MTMR7: variants seen among roughly 807,000 people sequenced by gnomAD.
MTMR7 encodes phosphatidylinositol-3-phosphate phosphatase MTMR7.
Under a neutral mutation model 81.2 loss-of-function variants are expected in MTMR7, and 76 were observed. The ratio of observed to expected loss-of-function variants is 0.94; its 90% CI spans 0.78 to 1.13. The LOEUF (loss-of-function observed/expected upper bound fraction) is 1.13, where lower values mean the gene tolerates loss of function less well. Ranked by LOEUF, MTMR7 falls within the 50% of genes most tolerant of loss-of-function variation. The pLI, the probability that MTMR7 is intolerant of heterozygous loss-of-function variation, is 0.00. For missense variants in MTMR7, 1,044 were observed against 820.0 expected, an observed-to-expected ratio of 1.27 and a Z score of -3.34; for synonymous variants, 372 against 289.8, an observed-to-expected ratio of 1.28 and a Z score of -2.88.
chr8:17,318,627 A>G (rs1818223281), intron 7 of MTMR7, among the ~76,000 whole-genome samples: 1 of 152,106 alleles, frequency 6.6e-6, no homozygotes, highest in Non-Finnish European at 1.5e-5. Context: ...CAGCTAATTC[A>G]CAGCCAGGTT....
At chr8:17,347,841 G>C (rs7005859) in intron 5 of MTMR7, among the ~76,000 whole-genome samples, 1 of 152,074 alleles carries the variant, frequency 6.6e-6, no homozygotes. Context: ...GAGGTGTCAC[G>C]TGGCAGTTTT....
At chr8:17,375,058 C>T (rs1820538370) in intron 1 of MTMR7, among the ~76,000 whole-genome samples, 1 of 152,158 alleles carries the variant, frequency 6.6e-6, no homozygotes, top group South Asian at 2.1e-4. Context: ...CACTGCACCC[C>T]AGTCTGGGCA....
rs1817771707 is a variant in MTMR7 at position 17,311,380 on chromosome 8, T to G, written c.1101+131A>C. Reference sequence around the variant, plus strand: ...TTAAATTAATCTTGATCTCTTCCCCTTTAATCTTGCTGAGCTACTAAAAGA... The same window carrying G: ...TTAAATTAATCTTGATCTCTTCCCCGTTAATCTTGCTGAGCTACTAAAAGA... On this transcript the variant is annotated intron_variant, in intron 9 of 13. Transcript: ENST00000180173. The G allele has an allele frequency of 3.1e-5, 38 of 1,216,608 alleles. No homozygotes were observed. The South Asian group carries it at 5.3e-4, about 17-fold the overall frequency. The allele number at this position is 1,216,608 out of a possible 1,614,324, so 75.4% of individuals were successfully genotyped here. A position where few individuals can be genotyped will look rare whatever the true frequency, so the allele number is the denominator to read the frequency against.
rs1346460194 is a variant in MTMR7, at chr8:17,401,999, T to G, written c.24+11270A>C. Among the ~76,000 whole-genome samples, 3 of 152,222 alleles carry G rather than the reference T, an allele frequency of 2.0e-5. No homozygotes were observed. In the East Asian group the frequency reaches 5.8e-4, roughly 29 times the overall value. On this transcript the variant is annotated intron_variant, in intron 1 of 13. Transcript: ENST00000180173. Reference sequence around the variant, plus strand: ...GGGTTATTTTTTAAATCATGTATACTTTACAAAGGTCTCAAATTCTTTTGA... The same window carrying G: ...GGGTTATTTTTTAAATCATGTATACGTTACAAAGGTCTCAAATTCTTTTGA...
chr8:17,318,533 T>G (rs1818216670), intron 7 of MTMR7, among the ~76,000 whole-genome samples: 1 of 152,108 alleles, frequency 6.6e-6, no homozygotes, highest in Non-Finnish European at 1.5e-5. Context: ...CGGATAGTGT[T>G]CCCGATGGGT....
chr8:17,364,377 T>A (rs1374600570), intron 3 of MTMR7, among the ~76,000 whole-genome samples: 1 of 152,210 alleles, frequency 6.6e-6, no homozygotes, highest in East Asian at 1.9e-4. Context: ...GAATGATTAA[T>A]TCAAGCTAAT....
chr8:17,299,697 A>G lies in MTMR7; in HGVS notation c.*165T>C. On this transcript the variant is annotated 3_prime_UTR_variant, in exon 14 of 14. Transcript: ENST00000180173. ...ATGAAATGACTACGTCCTCTTCAGT[A>G]TCTAAGAAATCAAGAACTGGGCACT... The G allele has an allele frequency of 2.4e-6, 2 of 847,140 alleles. No homozygotes were observed. Among genetic ancestry groups the G allele is most frequent in the Non-Finnish European group, 3.6e-6 (2 of 553,336 alleles). The allele number at this position is 847,140 out of a possible 1,614,324, so 52.5% of individuals were successfully genotyped here. A position where few individuals can be genotyped will look rare whatever the true frequency, so the allele number is the denominator to read the frequency against.
intron 4 of MTMR7, chr8:17,349,356 A>G (rs1369592265): frequency 3.6e-6 from 1 of 279,446 alleles, no homozygotes; most frequent in Non-Finnish European, 6.9e-6. Context: ...AAGACCAGTG[A>G]CAATGAAGCC....
chr8:17,301,364 G>A (rs942481020), intron 13 of MTMR7, among the ~76,000 whole-genome samples: 1 of 152,200 alleles, frequency 6.6e-6, no homozygotes, highest in Admixed American at 6.5e-5. Flanking sequence ...GACTGTGAAA[G>A]ATTTAAACTT....
In MTMR7 at chr8:17,413,326, G is replaced by A. The variant is rs1411861341; in HGVS notation, c.-34C>T. On this transcript the variant is annotated 5_prime_UTR_variant, in exon 1 of 14. Transcript: ENST00000180173. ...CACGTCTGCAGGGTCCCGGGCGGGCGCGGCCTCACGCACCTGCGCGCCTCT... is the reference window on the plus strand; with the variant it reads ...CACGTCTGCAGGGTCCCGGGCGGGCACGGCCTCACGCACCTGCGCGCCTCT... 24 of 1,523,892 alleles carry A rather than the reference G, an allele frequency of 1.6e-5. No individual in the cohort carries two copies. The East Asian group carries it at 4.1e-4, about 26-fold the overall frequency. The allele number at this position is 1,523,892 out of a possible 1,614,324, so 94.4% of individuals were successfully genotyped here. A position where few individuals can be genotyped will look rare whatever the true frequency, so the allele number is the denominator to read the frequency against.
In MTMR7 at chr8:17,371,049, G is replaced by A; in HGVS notation, c.298C>T (p.Leu100Phe). The change falls in exon 3 of 14, where the codon CTT becomes TTT. Residue 100 changes from leucine (L) to phenylalanine (F), a missense_variant. Leu to Phe is a conservative substitution (Grantham distance 22). Coordinates refer to ENST00000180173, the MANE Select transcript of MTMR7 (RefSeq NM_004686.5). ...CHDVYISLIR[L>F]ARPVKYEELY... ...TCCTCTGCCCTACCTGGCCTTGCAAGGCGTATCAGGGAGATGTACACGTCG... is the reference window on the plus strand; with the variant it reads ...TCCTCTGCCCTACCTGGCCTTGCAAAGCGTATCAGGGAGATGTACACGTCG... 1 of 1,612,802 alleles carries A rather than the reference G, an allele frequency of 6.2e-7. No homozygotes were observed. The highest frequency in any genetic ancestry group is 1.3e-5 in the African/African-American group (1 of 75,000).
chr8:17,313,146 G>A (rs1042509808), intron 8 of MTMR7, 146 bp downstream of exon 8: 24 of 500,944 alleles, frequency 4.8e-5, no homozygotes, highest in Admixed American at 2.9e-4. Context: ...TATCTTCAGC[G>A]CACAGACTAC....
At chr8:17,381,952 C>A (rs1461155305) in intron 1 of MTMR7, among the ~76,000 whole-genome samples, 1 of 152,164 alleles carries the variant, frequency 6.6e-6, no homozygotes, top group African/African-American at 2.4e-5. Flanking sequence ...ATTTTGACTT[C>A]TATAAGGGAT....
At position 17,302,366 on chromosome 8, in the gene MTMR7, C is replaced by G. The variant is rs530456101; in HGVS notation, c.1494-86G>C. The G allele has an allele frequency of 2.7e-4, 389 of 1,420,904 alleles. 4 individuals are homozygous for G. In the South Asian group the frequency reaches 5.2e-3, roughly 19 times the overall value. The allele number at this position is 1,420,904 out of a possible 1,614,324, so 88.0% of individuals were successfully genotyped here. A position where few individuals can be genotyped will look rare whatever the true frequency, so the allele number is the denominator to read the frequency against. The stretch of plus-strand genomic sequence containing the variant: ...CAAGTCTTCTAAGGTATCTATGATA[C>G]CACAGTCTTAATAATAACCAAATGC... On this transcript the variant is annotated intron_variant, in intron 12 of 13. Coordinates refer to ENST00000180173, the MANE Select transcript of MTMR7 (RefSeq NM_004686.5).
chr8:17,331,321 TTGATGAAACAA>T (rs1818990052), intron 6 of MTMR7, 39 bp from the exon 7 acceptor site: 3 of 1,544,576 alleles, frequency 1.9e-6, no homozygotes, highest in Non-Finnish European at 1.7e-6. Context: ...ATCAATTACA[TTGATGAAACAA>T]TGATGAAACA....
At chr8:17,378,331 T>C (rs1379803760) in intron 1 of MTMR7, among the ~76,000 whole-genome samples, 1 of 152,206 alleles carries the variant, frequency 6.6e-6, no homozygotes, top group African/African-American at 2.4e-5. Context: ...TTAGAAACGT[T>C]ATGAAGTCAG....
At chr8:17,361,859 A>T (rs1028398044) in intron 3 of MTMR7, among the ~76,000 whole-genome samples, 1 of 152,128 alleles carries the variant, frequency 6.6e-6, no homozygotes, top group Non-Finnish European at 1.5e-5. Flanking sequence ...TAAGATTCAT[A>T]AAAAAAATCA....
intron 1 of MTMR7, among the ~76,000 whole-genome samples, chr8:17,379,791 G>C (rs778120409): frequency 2.0e-5 from 3 of 152,042 alleles, no homozygotes; most frequent in Non-Finnish European, 4.4e-5. Context: ...TTGATTGTTT[G>C]TTTTTGTTTT....
At chr8:17,337,816 A>G (rs1819294636) in intron 6 of MTMR7, among the ~76,000 whole-genome samples, 1 of 152,116 alleles carries the variant, frequency 6.6e-6, no homozygotes. Flanking sequence ...TGGGGGTCTC[A>G]CTACGTTGCC....
Sources: gnomAD v4.1 joint callset for allele counts (sites outside exome capture counted in the v4.1 genomes callset) on GRCh38, gnomAD v4.1.1 for gene constraint, MANE v1.5 for transcripts, NCBI Gene and HGNC (gene_info 2026-07-23, HGNC 2026-07-21) for gene names.